The following GLG1 variants were observed in gnomAD, a reference collection of about 807,000 sequenced individuals.
GLG1 encodes Golgi apparatus protein 1.
A neutral mutation model predicts 160.5 loss-of-function variants in GLG1; 38 were observed. The observed-to-expected ratio is 0.24, with a 90% CI of 0.18 to 0.31. GLG1 has a LOEUF of 0.31. Ranked by LOEUF, GLG1 falls within the 10% of genes least tolerant of loss-of-function variation. The pLI is 1.00. For missense variants in GLG1, 1,373 were observed against 1,505.2 expected (o/e 0.91, Z 1.45); for synonymous variants, 644 against 543.4 (o/e 1.19, Z -2.57).
At chr16:74,536,442 A>G (rs911714899) in intron 1 of GLG1, among the ~76,000 whole-genome samples, 2 of 152,174 alleles carry the variant, frequency 1.3e-5, no homozygotes, top group Admixed American at 1.3e-4. Context: ...AAATTGTGCT[A>G]GGCATTGTTG....
chr16:74,565,649 T>C (rs1378963020), intron 1 of GLG1, among the ~76,000 whole-genome samples: 4 of 152,230 alleles, frequency 2.6e-5, no homozygotes, highest in Non-Finnish European at 5.9e-5. Flanking sequence ...GTCACTTTCC[T>C]TTTTCTGTCC....
At chr16:74,558,033 C>T (rs1364828681) in intron 1 of GLG1, among the ~76,000 whole-genome samples, 1 of 151,970 alleles carries the variant, frequency 6.6e-6, no homozygotes, top group Admixed American at 6.6e-5. Context: ...GCAGTAAAAC[C>T]CTGAAACTGT....
chr16:74,569,230 A>C (rs2018749171), intron 1 of GLG1, among the ~76,000 whole-genome samples: 1 of 152,256 alleles, frequency 6.6e-6, no homozygotes, highest in Non-Finnish European at 1.5e-5. Flanking sequence ...TCGAACTGTG[A>C]GAATGATGTA....
At chr16:74,543,699 G>A (rs1015087732) in intron 1 of GLG1, among the ~76,000 whole-genome samples, 2 of 152,070 alleles carry the variant, frequency 1.3e-5, no homozygotes, top group African/African-American at 4.8e-5. Context: ...TAACAAAGAT[G>A]CAATCTAAAA....
chr16:74,565,038 A>G (rs1384079300), intron 1 of GLG1, among the ~76,000 whole-genome samples: 2 of 152,220 alleles, frequency 1.3e-5, no homozygotes, highest in Non-Finnish European at 2.9e-5. Flanking sequence ...CTCAAAATTG[A>G]CAAACAATAC....
At chr16:74,573,944 C>G (rs888519834) in intron 1 of GLG1, among the ~76,000 whole-genome samples, 1 of 152,056 alleles carries the variant, frequency 6.6e-6, no homozygotes, top group South Asian at 2.1e-4. Context: ...CAGGCGCACA[C>G]CACTACACCC....
At position 74,521,982 on chromosome 16, in the gene GLG1, CAGCAA is replaced by C. The variant is rs529867355; in HGVS notation, c.471+10134_471+10138del. Among the ~76,000 whole-genome samples, 222 of 152,334 alleles carry C rather than the reference CAGCAA, an allele frequency of 1.5e-3. 1 individual carries two copies. In the South Asian group the frequency reaches 0.016, roughly 11 times the overall value. ...ATCCAGGCTTATGAGTCACCACATTCAGCAAAGCATGAAAGTACGGCATCCCGATT... is the reference window on the plus strand; with the variant it reads ...ATCCAGGCTTATGAGTCACCACATTCAGCATGAAAGTACGGCATCCCGATT... On this transcript the variant is annotated intron_variant, in intron 2 of 25. Coordinates refer to ENST00000422840, the MANE Select transcript of GLG1 (RefSeq NM_001145667.2).
intron 1 of GLG1, among the ~76,000 whole-genome samples, chr16:74,535,845 T>C (rs1329658649): frequency 6.6e-6 from 1 of 152,160 alleles, no homozygotes; most frequent in Non-Finnish European, 1.5e-5. Context: ...CAAATCGCTA[T>C]GAAGAATTGT....
At chr16:74,605,853 C>A (rs754244879) in intron 1 of GLG1, among the ~76,000 whole-genome samples, 21 of 152,146 alleles carry the variant, frequency 1.4e-4, no homozygotes, top group Non-Finnish European at 2.5e-4. Context: ...CAGATTTGCT[C>A]CCAAACTTTG....
At chr16:74,604,522 G>T (rs999780777) in intron 1 of GLG1, among the ~76,000 whole-genome samples, 10 of 152,200 alleles carry the variant, frequency 6.6e-5, no homozygotes, top group Non-Finnish European at 1.0e-4. Context: ...AATGGGTACG[G>T]ATAGGAAAAT....
In GLG1 at chr16:74,470,265, TTCCC is replaced by T. The variant is rs1363137391; in HGVS notation, c.2230-196_2230-193del. Among the ~76,000 whole-genome samples, 313 of 150,946 alleles carry T rather than the reference TTCCC, an allele frequency of 2.1e-3. 2 individuals are homozygous for T. The highest frequency in any genetic ancestry group is 7.1e-3 in the African/African-American group (292 of 41,090). ...ACAACAGGCAGGCTTCCTTCCTTCC[TTCCC>T]TCCCTCCCTCCTTCCTTCCTTTCCT... is the stretch of plus-strand genomic sequence containing the variant. On this transcript the variant is annotated intron_variant, in intron 15 of 25. Transcript: ENST00000422840.
chr16:74,485,233 T>C (rs1392104781), intron 9 of GLG1, among the ~76,000 whole-genome samples: 3 of 152,202 alleles, frequency 2.0e-5, no homozygotes, highest in East Asian at 1.9e-4. Context: ...TTTTACATCA[T>C]AAAAAATAAA....
chr16:74,546,703 T>G (rs1435957819), intron 1 of GLG1, among the ~76,000 whole-genome samples: 4 of 151,560 alleles, frequency 2.6e-5, no homozygotes, highest in African/African-American at 9.7e-5. Context: ...CCAGGCGTGG[T>G]GGCAGGCACC....
rs561712663 is a variant in GLG1 at position 74,505,022 on chromosome 16, G to A, written c.559-1276C>T. Among the ~76,000 whole-genome samples, 186 of 152,340 alleles carry A rather than the reference G, an allele frequency of 1.2e-3. 1 individual carries two copies. The highest frequency in any genetic ancestry group is 4.4e-3 in the African/African-American group (182 of 41,578). On this transcript the variant is annotated intron_variant, in intron 3 of 25. Transcript: ENST00000422840. ...GTGGCAATTCTGACAAGAGGAAGGA[G>A]TTAAATGGGAATGTTTATTTTGAAT...
At chr16:74,469,786 C>G in intron 16 of GLG1, 199 bp downstream of exon 16, 1 of 584,524 alleles carries the variant, frequency 1.7e-6, no homozygotes. Context: ...CCTATGGGAC[C>G]TCCATGTGAG....
chr16:74,558,557 G>C (rs961295190), intron 1 of GLG1, among the ~76,000 whole-genome samples: 4 of 152,180 alleles, frequency 2.6e-5, no homozygotes, highest in Non-Finnish European at 5.9e-5. Flanking sequence ...CATGGCTTTC[G>C]CCCATGTTTC....
intron 1 of GLG1, among the ~76,000 whole-genome samples, chr16:74,577,521 T>C (rs1452120876): frequency 2.9e-5 from 1 of 34,916 alleles, no homozygotes; most frequent in Non-Finnish European, 5.2e-5. Context: ...AAACTCCATC[T>C]CAAAAAAAAA....
rs775445205 is a variant in GLG1, at chr16:74,511,526, C to T, written c.472-2601G>A. 1.4e-3 allele frequency among the ~76,000 whole-genome samples: 205 copies of T among 146,944 alleles called. 2 individuals are homozygous for T. Among genetic ancestry groups the T allele is most frequent in the Non-Finnish European group, 8.0e-4 (54 of 67,468 alleles). On this transcript the variant is annotated intron_variant, in intron 2 of 25. Coordinates refer to ENST00000422840, the MANE Select transcript of GLG1 (RefSeq NM_001145667.2). Reference sequence around the variant, plus strand: ...AATTAGCCAGGCGTGGTGGTGCATGCCTGTAATCCCAGCTACTCTGGAGGC... The same window carrying T: ...AATTAGCCAGGCGTGGTGGTGCATGTCTGTAATCCCAGCTACTCTGGAGGC...
At position 74,574,883 on chromosome 16, in the gene GLG1, C is replaced by CAAAAAAAAAAAAAAAAAAAAAAAA. The variant is rs531720341; in HGVS notation, c.438+31750_438+31773dup. On this transcript the variant is annotated intron_variant, in intron 1 of 25. Coordinates refer to ENST00000422840, the MANE Select transcript of GLG1 (RefSeq NM_001145667.2). ...TGGGTAAGAGAGCAAGACTCTGTCT[C>CAAAAAAAAAAAAAAAAAAAAAAAA]AAAAAAAAAAAAAAAAAAAAAAAAA... Among the ~76,000 whole-genome samples the CAAAAAAAAAAAAAAAAAAAAAAAA allele has an allele frequency of 8.1e-5, 2 of 24,792 alleles. 1 individual carries two copies. The highest frequency in any genetic ancestry group is 5.0e-4 in the African/African-American group (2 of 4,000). 16.3% of individuals were successfully genotyped at this position (24,792 alleles called of 152,430 possible). A position where few individuals can be genotyped will look rare whatever the true frequency, so the allele number is the denominator to read the frequency against.
Sources: allele counts gnomAD v4.1 joint callset (sites outside exome capture counted in the v4.1 genomes callset), GRCh38; gene constraint gnomAD v4.1.1; transcripts MANE v1.5; gene names NCBI Gene and HGNC (gene_info 2026-07-23, HGNC 2026-07-21).